VPS39: variants seen among roughly 807,000 people sequenced by gnomAD.
VPS39 encodes VPS39 subunit of HOPS complex, also known as vam6/Vps39-like protein.
Under a neutral mutation model 121.0 loss-of-function variants are expected in VPS39, and 70 were observed. The ratio of observed to expected loss-of-function variants is 0.58; its 90% CI spans 0.48 to 0.71. VPS39 has a LOEUF of 0.71. Ranked by LOEUF, VPS39 falls within the 30% of genes least tolerant of loss-of-function variation. VPS39 has a pLI of 0.00. For missense variants in VPS39, 818 were observed against 1,051.5 expected (o/e 0.78, Z 3.07); for synonymous variants, 378 against 398.1 (o/e 0.95, Z 0.60).
At chr15:42,167,636 A>G (rs2049271142) in intron 12 of VPS39, 99 bp from the exon 13 acceptor site, 2 of 1,471,080 alleles carry the variant, frequency 1.4e-6, no homozygotes, top group Non-Finnish European at 1.8e-6. Context: ...GCTCATGCCT[A>G]TTGGCCTGAT....
At chr15:42,178,749 T>C in intron 8 of VPS39, 179 bp from the exon 9 acceptor site, 1 of 839,366 alleles carries the variant, frequency 1.2e-6, no homozygotes. Context: ...TGGCCTGTAA[T>C]CCCAGCAACT....
intron 1 of VPS39, among the ~76,000 whole-genome samples, chr15:42,205,089 G>A (rs1392893623): frequency 6.6e-6 from 1 of 151,958 alleles, no homozygotes; most frequent in Non-Finnish European, 1.5e-5. Flanking sequence ...TTTAACAACT[G>A]CAAGCTATTA....
chr15:42,162,611 ATTTTCACC>A (rs2049154332), intron 21 of VPS39, 130 bp from the exon 22 acceptor site: 1 of 1,090,496 alleles, frequency 9.2e-7, no homozygotes, highest in Admixed American at 3.4e-5. Context: ...AAAACTGGTC[ATTTTCACC>A]TTGTAAATTG....
chr15:42,194,639 G>A (rs936611472), intron 2 of VPS39, among the ~76,000 whole-genome samples: 11 of 151,860 alleles, frequency 7.2e-5, no homozygotes, highest in Admixed American at 2.6e-4. Context: ...AGGCTGAGGC[G>A]GGAGGATCGC....
At chr15:42,184,391 A>C (rs2140868952) in intron 8 of VPS39, 126 bp downstream of exon 8, 1 of 952,118 alleles carries the variant, frequency 1.1e-6, no homozygotes, top group East Asian at 2.7e-5. Context: ...ACTTATAAGA[A>C]GGGGAACTGA....
chr15:42,166,682 C>A (rs1032964971), intron 14 of VPS39, 33 bp from the exon 15 acceptor site: 1 of 1,614,066 alleles, frequency 6.2e-7, no homozygotes, highest in Non-Finnish European at 8.5e-7. Context: ...AGGTCATGAG[C>A]CTTTTCCCCA....
chr15:42,206,243 G>A (rs2050169037), intron 1 of VPS39, among the ~76,000 whole-genome samples: 2 of 152,168 alleles, frequency 1.3e-5, no homozygotes, highest in South Asian at 4.1e-4. Flanking sequence ...GTTCCTGGAC[G>A]AACTTTCCAT....
At chr15:42,207,364 G>A (rs1257562212) in intron 1 of VPS39, among the ~76,000 whole-genome samples, 1 of 152,148 alleles carries the variant, frequency 6.6e-6, no homozygotes, top group African/African-American at 2.4e-5. Flanking sequence ...AATGTTCACC[G>A]TTATCCCTGA....
chr15:42,171,123 A>G (rs950570953), intron 11 of VPS39, among the ~76,000 whole-genome samples: 28 of 152,154 alleles, frequency 1.8e-4, no homozygotes, highest in African/African-American at 6.3e-4. Flanking sequence ...CAGTGCATCA[A>G]TGCTGTGGAA....
intron 15 of VPS39, 47 bp downstream of exon 15, chr15:42,166,516 C>A: frequency 6.3e-7 from 1 of 1,599,030 alleles, no homozygotes; most frequent in South Asian, 1.1e-5. Flanking sequence ...GAGACCAGGT[C>A]ATTTGAACAG....
chr15:42,190,438 T>C (rs754915033), intron 4 of VPS39, among the ~76,000 whole-genome samples: 13 of 152,200 alleles, frequency 8.5e-5, no homozygotes, highest in Non-Finnish European at 1.9e-4. Flanking sequence ...GATCAGCTGC[T>C]AGTCCCCTGC....
At chr15:42,163,258 T>C in intron 21 of VPS39, 92 bp downstream of exon 21, 1 of 1,470,532 alleles carries the variant, frequency 6.8e-7, no homozygotes, top group East Asian at 2.3e-5. Flanking sequence ...TCGTGCCCTG[T>C]CTTATTCTGC....
At chr15:42,188,944 C>T (rs145278216) in intron 5 of VPS39, among the ~76,000 whole-genome samples, 170 bp downstream of exon 5, 2,560 of 152,002 alleles carry the variant, frequency 0.017, 74 homozygotes, top group African/African-American at 0.059. Context: ...CTAGCCTGGG[C>T]GACAGAACAA....
intron 5 of VPS39, among the ~76,000 whole-genome samples, chr15:42,188,153 C>A (rs1237185471): frequency 6.6e-6 from 1 of 152,174 alleles, no homozygotes; most frequent in African/African-American, 2.4e-5. Context: ...CTATATAACT[C>A]CTCCCTCCTT....
chr15:42,182,201 G>T (rs2049595298), intron 8 of VPS39, among the ~76,000 whole-genome samples: 1 of 152,150 alleles, frequency 6.6e-6, no homozygotes, highest in Non-Finnish European at 1.5e-5. Flanking sequence ...CCAGAAAAAT[G>T]AAATTAAAAG....
rs2050214833 is a variant in VPS39, at chr15:42,208,097, G to C, written c.57C>G (p.Asp19Glu). Residue 19 changes from aspartate (D) to glutamate (E), a missense_variant, in exon 1 of 25, where the codon GAC becomes GAG. By Grantham distance (45) the Asp-to-Glu change is conservative (BLOSUM62 2). Transcript: ENST00000318006. The stretch of plus-strand genomic sequence containing the variant: ...TCGGCTCACCCCAGGCAGCCAGACA[G>C]TCGATTTGCAGAGGCAGCTTTTCTA... The part of the protein sequence containing the change: ...PILEKLPLQI[D>E]CLAAWEEWLL... The C allele has an allele frequency of 6.3e-7, 1 of 1,587,536 alleles. No individual in the cohort carries two copies. The highest frequency in any genetic ancestry group is 1.3e-5 in the African/African-American group (1 of 74,434).
intron 2 of VPS39, among the ~76,000 whole-genome samples, chr15:42,199,419 G>A (rs1004628523): frequency 6.6e-5 from 10 of 152,020 alleles, no homozygotes; most frequent in African/African-American, 1.7e-4. Flanking sequence ...ACTTGCTCAC[G>A]GTCACGCAGC....
At position 42,165,129 on chromosome 15, in the gene VPS39, G is replaced by C; in HGVS notation, c.1780-16C>G. 6.2e-7 allele frequency: 1 copy of C among 1,612,290 alleles called. No individual in the cohort carries two copies. The highest frequency in any genetic ancestry group is 8.5e-7 in the Non-Finnish European group (1 of 1,178,330). On this transcript the variant is annotated splice_polypyrimidine_tract_variant and intron_variant, in intron 17 of 24. Transcript: ENST00000318006. ...TGATGTGTTCCTGAGGCAAGATGTA[G>C]GTCTTTGTCACTGGTATTCTCCAGG... is the stretch of plus-strand genomic sequence containing the variant.
intron 1 of VPS39, among the ~76,000 whole-genome samples, chr15:42,203,684 G>A (rs1308540295): frequency 2.6e-5 from 4 of 152,080 alleles, no homozygotes; most frequent in African/African-American, 9.7e-5. Flanking sequence ...CTATTCTACT[G>A]GTCATAAAAG....
Sources: allele counts gnomAD v4.1 joint callset (sites outside exome capture counted in the v4.1 genomes callset), GRCh38; gene constraint gnomAD v4.1.1; transcripts MANE v1.5; gene names NCBI Gene and HGNC (gene_info 2026-07-23, HGNC 2026-07-21).